The following GLRA1 variants were observed in gnomAD, a reference collection of about 807,000 sequenced individuals.
The protein encoded by GLRA1 is glycine receptor subunit alpha-1.
A neutral mutation model predicts 48.3 loss-of-function variants in GLRA1; 37 were observed. The ratio of observed to expected loss-of-function variants is 0.77; its 90% CI spans 0.59 to 1.01. The LOEUF (loss-of-function observed/expected upper bound fraction) is 1.01, where lower values mean the gene tolerates loss of function less well. Ranked by LOEUF, GLRA1 falls within the 50% of genes least tolerant of loss-of-function variation. The pLI is 0.00. For synonymous variants in GLRA1, 196 were observed against 210.7 expected (o/e 0.93, Z 0.60); for missense variants, 427 against 571.0 (o/e 0.75, Z 2.57).
At chr5:151,922,941 C>T (rs867549371) in intron 1 of GLRA1, among the ~76,000 whole-genome samples, 1 of 152,232 alleles carries the variant, frequency 6.6e-6, no homozygotes, top group Admixed American at 6.5e-5. Context: ...AAGTACCCAA[C>T]CTCCATACAT....
At chr5:151,908,891 A>T (rs2113448508) in intron 1 of GLRA1, among the ~76,000 whole-genome samples, 1 of 152,026 alleles carries the variant, frequency 6.6e-6, no homozygotes, top group East Asian at 1.9e-4. Flanking sequence ...ATGTCTTTGG[A>T]GGGGTTTGTC....
intron 3 of GLRA1, among the ~76,000 whole-genome samples, chr5:151,863,268 A>C (rs2113365869): frequency 6.6e-6 from 1 of 152,094 alleles, no homozygotes; most frequent in East Asian, 1.9e-4. Context: ...GCAGGGTGTG[A>C]TGGCACATGT....
intron 7 of GLRA1, chr5:151,850,503 C>T (rs1446699130): frequency 4.9e-6 from 5 of 1,013,324 alleles, no homozygotes; most frequent in African/African-American, 1.6e-5. Flanking sequence ...CATCGAGAAA[C>T]TAAGCAGTGG....
intron 1 of GLRA1, among the ~76,000 whole-genome samples, chr5:151,906,889 G>T (rs567577029): frequency 2.0e-5 from 3 of 152,206 alleles, no homozygotes; most frequent in Non-Finnish European, 2.9e-5. Flanking sequence ...GGGAAGACCT[G>T]TCGGACTTTT....
In GLRA1 at chr5:151,851,620, G is replaced by A; in HGVS notation, c.698-16C>T. 6.4e-7 allele frequency: 1 copy of A among 1,573,336 alleles called. No individual in the cohort carries two copies. The highest frequency in any genetic ancestry group is 8.8e-7 in the Non-Finnish European group (1 of 1,142,770). On this transcript the variant is annotated splice_polypyrimidine_tract_variant and intron_variant, in intron 6 of 8. Transcript: ENST00000274576. ...GTGAATTTACCTGCAAGAAATTGCAGTGAGAAGGCAGTGTAGCCTGGTGAA... is the reference window on the plus strand; with the variant it reads ...GTGAATTTACCTGCAAGAAATTGCAATGAGAAGGCAGTGTAGCCTGGTGAA...
intron 8 of GLRA1, among the ~76,000 whole-genome samples, chr5:151,826,631 G>A (rs1237841463): frequency 6.6e-6 from 1 of 152,152 alleles, no homozygotes; most frequent in Admixed American, 6.5e-5. Flanking sequence ...TTCAAAGGAG[G>A]GAACAGAGCA....
intron 1 of GLRA1, among the ~76,000 whole-genome samples, chr5:151,893,099 A>G (rs1284617158): frequency 2.0e-5 from 3 of 152,140 alleles, no homozygotes; most frequent in Non-Finnish European, 4.4e-5. Context: ...ACCCAGAGTA[A>G]ATCAGTAGTG....
chr5:151,858,454 G>C (rs1422694950), intron 4 of GLRA1, among the ~76,000 whole-genome samples: 1 of 152,184 alleles, frequency 6.6e-6, no homozygotes, highest in Non-Finnish European at 1.5e-5. Context: ...CTAGAGATAG[G>C]AAATTAGTCT....
At chr5:151,895,450 A>G (rs1754205823) in intron 1 of GLRA1, among the ~76,000 whole-genome samples, 1 of 152,200 alleles carries the variant, frequency 6.6e-6, no homozygotes, top group Non-Finnish European at 1.5e-5. Flanking sequence ...TTAGTCATTT[A>G]TTAGCTGTGT....
At chr5:151,849,977 T>C in intron 7 of GLRA1, 1 of 1,595,558 alleles carries the variant, frequency 6.3e-7, no homozygotes, top group Non-Finnish European at 8.5e-7. Flanking sequence ...TTCTGTGAAG[T>C]TTTCGAGTAC....
chr5:151,898,380 C>T (rs1285389899), intron 1 of GLRA1, among the ~76,000 whole-genome samples: 3 of 152,122 alleles, frequency 2.0e-5, no homozygotes, highest in Non-Finnish European at 4.4e-5. Context: ...GATCAATGTT[C>T]AGATTCTCAT....
At chr5:151,840,710 A>C (rs1019301102) in intron 7 of GLRA1, among the ~76,000 whole-genome samples, 2 of 151,138 alleles carry the variant, frequency 1.3e-5, no homozygotes, top group Non-Finnish European at 2.9e-5. Context: ...AGAGGCCTTT[A>C]GGTGATTATA....
At chr5:151,879,690 G>A (rs1367059166) in intron 3 of GLRA1, among the ~76,000 whole-genome samples, 4 of 152,176 alleles carry the variant, frequency 2.6e-5, no homozygotes, top group South Asian at 4.1e-4. Flanking sequence ...ATAGATGGAA[G>A]GGACTTGCCT....
chr5:151,833,242 T>A (rs998568883), intron 7 of GLRA1, among the ~76,000 whole-genome samples: 1 of 152,106 alleles, frequency 6.6e-6, no homozygotes, highest in Non-Finnish European at 1.5e-5. Context: ...CCACATCAAC[T>A]AATGGGCAAA....
chr5:151,870,567 T>C (rs1372341318), intron 3 of GLRA1, among the ~76,000 whole-genome samples: 2 of 149,986 alleles, frequency 1.3e-5, no homozygotes, highest in East Asian at 1.9e-4. Context: ...TAATTTATTG[T>C]ATTACATCTT....
chr5:151,907,212 G>C (rs142237502), intron 1 of GLRA1, among the ~76,000 whole-genome samples: 19 of 152,144 alleles, frequency 1.2e-4, no homozygotes, highest in African/African-American at 3.9e-4. Flanking sequence ...CAGATAAATT[G>C]TTTAGCCAAG....
intron 6 of GLRA1, among the ~76,000 whole-genome samples, chr5:151,853,382 A>T (rs1356278168): frequency 6.6e-6 from 1 of 151,078 alleles, no homozygotes; most frequent in Non-Finnish European, 1.5e-5. Flanking sequence ...AGTAGCTGGG[A>T]TTACAGGTAT....
At chr5:151,898,512 C>T (rs559623344) in intron 1 of GLRA1, among the ~76,000 whole-genome samples, 2 of 152,266 alleles carry the variant, frequency 1.3e-5, no homozygotes, top group East Asian at 1.9e-4. Context: ...TTGCATGGCA[C>T]CACACCCCCA....
Position 151,924,813 on chromosome 5 carries a change from T to C in GLRA1, c.-264A>G, listed in dbSNP as rs984953078. 8 of 563,278 alleles carry C rather than the reference T, an allele frequency of 1.4e-5. No individual in the cohort carries two copies. Among genetic ancestry groups the C allele is most frequent in the Non-Finnish European group, 2.5e-5 (8 of 315,452 alleles). 34.9% of individuals were successfully genotyped at this position (563,278 alleles called of 1,614,324 possible). A position where few individuals can be genotyped will look rare whatever the true frequency, so the allele number is the denominator to read the frequency against. On this transcript the variant is annotated 5_prime_UTR_variant, in exon 1 of 9. Transcript: ENST00000274576. ...CAGGAGCGCGAAGAGTATTGCTGTT[T>C]GTTAAACTCCAGCGTGTCTGTTGGC...
Sources: allele counts gnomAD v4.1 joint callset (sites outside exome capture counted in the v4.1 genomes callset), GRCh38; gene constraint gnomAD v4.1.1; transcripts MANE v1.5; gene names NCBI Gene and HGNC (gene_info 2026-07-23, HGNC 2026-07-21).